The following SPECC1 variants were observed in gnomAD, a reference collection of about 807,000 sequenced individuals.
The protein encoded by SPECC1 is sperm antigen with calponin homology and coiled-coil domains 1.
SPECC1 carries 62 observed loss-of-function variants against 104.1 expected under a neutral mutation model. The observed-to-expected ratio is 0.60, with a 90% confidence interval of 0.49 to 0.74. SPECC1 has a LOEUF of 0.74. Among genes scored for constraint, SPECC1 ranks in the 30% least tolerant of loss-of-function variants. The pLI is 0.00. For synonymous variants in SPECC1, 513 were observed against 501.6 expected, an observed-to-expected ratio of 1.02 and a Z score of -0.30; for missense variants, 1,306 against 1,310.5, an observed-to-expected ratio of 1.00 and a Z score of 0.05.
At chr17:20,243,942 C>A (rs1035814582) in intron 7 of SPECC1, among the ~76,000 whole-genome samples, 1 of 152,058 alleles carries the variant, frequency 6.6e-6, no homozygotes, top group Non-Finnish European at 1.5e-5. Context: ...GGTGGCCAGG[C>A]GCAGTGGCTC....
Position 20,267,566 on chromosome 17 carries a change from T to A in SPECC1, c.2940+7272T>A, listed in dbSNP as rs140927554. On this transcript the variant is annotated intron_variant, in intron 12 of 14. Coordinates refer to ENST00000395527, the MANE Select transcript of SPECC1 (RefSeq NM_001243439.2). ...GTAGAAGCCAAGTGATGTCTCTGGC[T>A]TGTGGCAGAAGTTGGGGAAATTCAA... Among the ~76,000 whole-genome samples, 447 of 152,068 alleles carry A rather than the reference T, an allele frequency of 2.9e-3. 19 individuals carry two copies. In the East Asian group the frequency reaches 0.083, roughly 28 times the overall value.
chr17:20,214,773 G>T (rs1296740137), intron 4 of SPECC1, among the ~76,000 whole-genome samples: 1 of 152,202 alleles, frequency 6.6e-6, no homozygotes, highest in African/African-American at 2.4e-5. Flanking sequence ...CTCCCAAAGT[G>T]CTGGGATTAC....
chr17:20,197,982 C>G (rs1478956215), intron 3 of SPECC1, among the ~76,000 whole-genome samples: 1 of 152,228 alleles, frequency 6.6e-6, no homozygotes, highest in Admixed American at 6.5e-5. Context: ...AGCTAGAAAT[C>G]TGACTGGCAA....
chr17:20,105,827 A>G (rs767761713), intron 2 of SPECC1, among the ~76,000 whole-genome samples: 14 of 152,214 alleles, frequency 9.2e-5, no homozygotes, highest in Admixed American at 5.9e-4. Flanking sequence ...CCCTTATGGA[A>G]GGGGGCAGGG....
chr17:20,166,119 G>A (rs2033628733), intron 3 of SPECC1, among the ~76,000 whole-genome samples: 1 of 152,154 alleles, frequency 6.6e-6, no homozygotes, highest in African/African-American at 2.4e-5. Context: ...ACACCACAGA[G>A]TGTCTTAAAT....
intron 2 of SPECC1, among the ~76,000 whole-genome samples, chr17:20,105,087 TTC>T (rs760197227): frequency 6.6e-6 from 1 of 152,072 alleles, no homozygotes; most frequent in Non-Finnish European, 1.5e-5. Context: ...GCCAACTGCT[TTC>T]TCTTTTTTTT....
chr17:20,167,760 T>C (rs978292859), intron 3 of SPECC1, among the ~76,000 whole-genome samples: 2 of 152,180 alleles, frequency 1.3e-5, no homozygotes, highest in Non-Finnish European at 2.9e-5. Context: ...ATGAGAAAAA[T>C]GTAATTTCTG....
intron 1 of SPECC1, among the ~76,000 whole-genome samples, chr17:20,031,056 G>A (rs539743676): frequency 2.6e-5 from 4 of 152,064 alleles, no homozygotes; most frequent in Non-Finnish European, 5.9e-5. Context: ...ATTCAGTGGC[G>A]CGATCTCGAC....
chr17:20,156,482 G>A (rs1308403898), intron 3 of SPECC1, among the ~76,000 whole-genome samples: 3 of 152,158 alleles, frequency 2.0e-5, no homozygotes, highest in African/African-American at 7.2e-5. Flanking sequence ...GGCAGGCACC[G>A]CTGGGTCCCT....
At chr17:20,263,810 G>T (rs1285686654) in intron 12 of SPECC1, among the ~76,000 whole-genome samples, 1 of 152,164 alleles carries the variant, frequency 6.6e-6, no homozygotes, top group Non-Finnish European at 1.5e-5. Flanking sequence ...TAACCTTGTT[G>T]TAATGCAGGG....
In SPECC1 at chr17:20,205,843, C is replaced by G; in HGVS notation, c.1794C>G (p.Cys598Trp). ...AGAAAGATCTACTGGAACTGTCTTGCAATGAGCTCAGACAAGAATTACTAA... is the reference window on the plus strand; with the variant it reads ...AGAAAGATCTACTGGAACTGTCTTGGAATGAGCTCAGACAAGAATTACTAA... ...RAEKDLLELS[C>W]NELRQELLKA... The change falls in exon 4 of 15, where the codon TGC becomes TGG. Residue 598 changes from cysteine (C) to tryptophan (W), a missense_variant. Physicochemically the swap from Cys to Trp is radical, Grantham distance 215 (BLOSUM62 -2). Around this residue, in one of 2 missense-constraint regions of SPECC1, gnomAD observed 1,177 missense variants for 1,139.9 expected, o/e 1.03. Coordinates refer to ENST00000395527, the MANE Select transcript of SPECC1 (RefSeq NM_001243439.2). 6.2e-7 allele frequency: 1 copy of G among 1,614,104 alleles called. No homozygotes were observed. The highest frequency in any genetic ancestry group is 2.2e-5 in the East Asian group (1 of 44,882).
At chr17:20,161,804 T>C (rs1019394131) in intron 3 of SPECC1, among the ~76,000 whole-genome samples, 1 of 151,496 alleles carries the variant, frequency 6.6e-6, no homozygotes, top group Non-Finnish European at 1.5e-5. Context: ...CTTTCTTTTT[T>C]TTTTTTTTGA....
At chr17:20,097,814 G>C (rs2047726386) in intron 2 of SPECC1, among the ~76,000 whole-genome samples, 1 of 152,216 alleles carries the variant, frequency 6.6e-6, no homozygotes, top group Admixed American at 6.5e-5. Flanking sequence ...GTCAGTGCCT[G>C]CGGAATATGT....
intron 2 of SPECC1, 75 bp from the exon 3 acceptor site, chr17:20,110,352 A>G (rs1299579795): frequency 9.3e-6 from 14 of 1,512,552 alleles, no homozygotes; most frequent in Middle Eastern, 3.6e-4. Context: ...CCCAGCTCCC[A>G]TGCTCTGCTT....
intron 4 of SPECC1, among the ~76,000 whole-genome samples, chr17:20,226,387 G>A (rs1378682472): frequency 2.6e-5 from 4 of 152,146 alleles, no homozygotes; most frequent in Non-Finnish European, 5.9e-5. Flanking sequence ...TACAGATACA[G>A]TATAATCCAC....
intron 3 of SPECC1, 92 bp from the exon 4 acceptor site, chr17:20,204,241 G>T (rs969330590): frequency 1.4e-6 from 2 of 1,432,414 alleles, no homozygotes; most frequent in African/African-American, 2.9e-5. Context: ...GACAGCCACT[G>T]TCCACTGTGC....
intron 12 of SPECC1, among the ~76,000 whole-genome samples, chr17:20,296,113 G>A (rs1241634651): frequency 6.6e-6 from 1 of 152,148 alleles, no homozygotes. Context: ...TGTCCTGAAT[G>A]GTATTGCCTA....
At chr17:20,066,999 C>T (rs1350373165) in intron 1 of SPECC1, among the ~76,000 whole-genome samples, 3 of 150,872 alleles carry the variant, frequency 2.0e-5, no homozygotes, top group Non-Finnish European at 4.4e-5. Flanking sequence ...AATCTTCCCG[C>T]CTTGGCCTGC....
chr17:20,020,037 G>A (rs775136424), intron 1 of SPECC1, among the ~76,000 whole-genome samples: 2 of 152,070 alleles, frequency 1.3e-5, no homozygotes, highest in South Asian at 2.1e-4. Flanking sequence ...TAATGTTTTC[G>A]GAAAGAACCA....
Sources: gnomAD v4.1 joint callset for allele counts (sites outside exome capture counted in the v4.1 genomes callset) on GRCh38, gnomAD v4.1.1 for gene constraint, gnomAD v4.1.1 regional missense constraint, MANE v1.5 for transcripts, NCBI Gene and HGNC (gene_info 2026-07-23, HGNC 2026-07-21) for gene names.